DYSF: variants seen among roughly 807,000 people sequenced by gnomAD.
DYSF encodes dysferlin.
In DYSF, 212 loss-of-function variants were observed where a neutral mutation model predicts 274.9. The ratio of observed to expected loss-of-function variants is 0.77; its 90% CI spans 0.69 to 0.86. The LOEUF (loss-of-function observed/expected upper bound fraction) is 0.86. Among genes scored for constraint, DYSF ranks in the 40% least tolerant of loss-of-function variants. DYSF has a pLI of 0.00. For synonymous variants in DYSF, 1,091 were observed against 1,078.7 expected (o/e 1.01, Z -0.22); for missense variants, 2,666 against 2,783.2 (o/e 0.96, Z 0.95).
intron 4 of DYSF, among the ~76,000 whole-genome samples, chr2:71,511,080 A>G (rs1016139593): frequency 6.6e-6 from 1 of 151,948 alleles, no homozygotes; most frequent in African/African-American, 2.4e-5. Flanking sequence ...CAGGCTGCAG[A>G]TCCTGCTGAG....
At chr2:71,466,974 C>A in intron 1 of DYSF, 41 bp downstream of exon 1, 1 of 1,537,944 alleles carries the variant, frequency 6.5e-7, no homozygotes, top group Non-Finnish European at 8.8e-7. Context: ...TCGGGTGCTA[C>A]CCGACTCTCG....
intron 1 of DYSF, among the ~76,000 whole-genome samples, chr2:71,477,676 C>T (rs979950059): frequency 9.9e-5 from 15 of 152,190 alleles, no homozygotes; most frequent in East Asian, 3.8e-4. Context: ...CAGAATCATA[C>T]GTGGGTGAAA....
At chr2:71,528,997 A>G (rs1038242030) in intron 14 of DYSF, among the ~76,000 whole-genome samples, 1 of 151,396 alleles carries the variant, frequency 6.6e-6, no homozygotes, top group Non-Finnish European at 1.5e-5. Flanking sequence ...CCCAGGCTTC[A>G]GCCATCACCT....
At chr2:71,454,031 C>A (rs760168438) in exon 1 of DYSF, 2 of 1,614,176 alleles carry the variant, frequency 1.2e-6, no homozygotes, top group Non-Finnish European at 1.7e-6. Flanking sequence ...ATGCCGAGAA[C>A]GTCCACACAC....
At chr2:71,612,907 A>T (rs899974827) in intron 39 of DYSF, 101 bp downstream of exon 39, 7 of 1,397,408 alleles carry the variant, frequency 5.0e-6, no homozygotes, top group African/African-American at 1.4e-5. Context: ...TCTCTTACGG[A>T]GACCTGAATG....
intron 33 of DYSF, among the ~76,000 whole-genome samples, chr2:71,600,445 C>G (rs2093521699): frequency 6.6e-6 from 1 of 152,222 alleles, no homozygotes; most frequent in Non-Finnish European, 1.5e-5. Context: ...ACTAGTTGGA[C>G]AGTGTTGAAC....
chr2:71,474,963 T>C (rs1048029436), intron 1 of DYSF, among the ~76,000 whole-genome samples: 3 of 152,120 alleles, frequency 2.0e-5, no homozygotes, highest in Non-Finnish European at 4.4e-5. Context: ...ACACGTAGCT[T>C]GCATCTCAGG....
At chr2:71,520,147 T>G (rs1016757624) in intron 10 of DYSF, 31 bp from the exon 11 acceptor site, 3 of 1,614,008 alleles carry the variant, frequency 1.9e-6, no homozygotes, top group Non-Finnish European at 2.5e-6. Flanking sequence ...GCGGCAAGAG[T>G]TTGATTTGTG....
chr2:71,552,673 T>G (rs2091033139), intron 19 of DYSF, among the ~76,000 whole-genome samples: 1 of 152,230 alleles, frequency 6.6e-6, no homozygotes, highest in Non-Finnish European at 1.5e-5. Flanking sequence ...GAATGGCAGA[T>G]AAGGCCCGGG....
intron 17 of DYSF, among the ~76,000 whole-genome samples, chr2:71,545,282 C>G (rs187534635): frequency 2.7e-3 from 416 of 152,336 alleles, no homozygotes; most frequent in African/African-American, 9.6e-3. Flanking sequence ...TTCAAGTACA[C>G]GCAAAGGTAG....
At chr2:71,526,130 T>A in intron 12 of DYSF, 90 bp from the exon 13 acceptor site, 1 of 1,610,788 alleles carries the variant, frequency 6.2e-7, no homozygotes, top group Non-Finnish European at 8.5e-7. Context: ...AATGCAGCAT[T>A]TATGTGGCGA....
chr2:71,601,622 C>T (rs1422985923), intron 35 of DYSF, 94 bp downstream of exon 35: 2 of 1,542,152 alleles, frequency 1.3e-6, no homozygotes, highest in Admixed American at 3.4e-5. Context: ...CCAGGCATTA[C>T]CGCGATCCTG....
chr2:71,656,384 C>A, intron 43 of DYSF, 94 bp downstream of exon 43: 3 of 1,574,102 alleles, frequency 1.9e-6, no homozygotes, highest in South Asian at 1.1e-5. Context: ...ACACTGGTGA[C>A]CCTGGTGCTG....
chr2:71,514,039 T>G, intron 7 of DYSF, 118 bp downstream of exon 7: 3 of 1,182,958 alleles, frequency 2.5e-6, no homozygotes, highest in Non-Finnish European at 3.7e-6. Context: ...CTCAGGGCCC[T>G]CCTGTGGGGG....
At chr2:71,614,793 G>A (rs1398974912) in intron 40 of DYSF, among the ~76,000 whole-genome samples, 1 of 152,198 alleles carries the variant, frequency 6.6e-6, no homozygotes, top group Admixed American at 6.5e-5. Flanking sequence ...TGGATGGATG[G>A]ACGAATTTTC....
chr2:71,686,559 G>A lies in DYSF; in HGVS notation c.*67G>A, dbSNP rs1282447569. On this transcript the variant is annotated 3_prime_UTR_variant, in exon 56 of 56. Transcript: ENST00000410020. ...AGCATGGGACTGGCCTGCCTCCTCC[G>A]CCCAGCTCGGCGAGCTCCTCCAGAC... The A allele has an allele frequency of 4.4e-5, 70 of 1,590,634 alleles. No individual in the cohort carries two copies. Among genetic ancestry groups the A allele is most frequent in the Non-Finnish European group, 5.1e-5 (59 of 1,161,062 alleles).
chr2:71,588,884 A>G (rs754900340), intron 30 of DYSF: 10 of 153,960 alleles, frequency 6.5e-5, no homozygotes, highest in Non-Finnish European at 1.2e-4. Context: ...GAGGAAGTGC[A>G]TCGGAGAGCT....
intron 43 of DYSF, among the ~76,000 whole-genome samples, chr2:71,658,342 T>C (rs1453644291): frequency 6.6e-6 from 1 of 152,196 alleles, no homozygotes; most frequent in Non-Finnish European, 1.5e-5. Context: ...CTTTAGGAAG[T>C]TCCATAGTTT....
intron 44 of DYSF, among the ~76,000 whole-genome samples, chr2:71,659,994 C>T (rs2094847948): frequency 6.6e-6 from 1 of 152,188 alleles, no homozygotes; most frequent in South Asian, 2.1e-4. Context: ...AGTTCTCAGC[C>T]TAGGCACCAC....
Sources: gnomAD v4.1 joint callset for allele counts (sites outside exome capture counted in the v4.1 genomes callset) on GRCh38, gnomAD v4.1.1 for gene constraint, MANE v1.5 for transcripts, NCBI Gene and HGNC (gene_info 2026-07-23, HGNC 2026-07-21) for gene names.